HAS3: variants seen among roughly 807,000 people sequenced by gnomAD.
The protein encoded by HAS3 is HA synthase 3.
A neutral mutation model predicts 50.3 loss-of-function variants in HAS3; 27 were observed. The observed-to-expected ratio is 0.54, with a 90% confidence interval of 0.40 to 0.74. HAS3 has a LOEUF of 0.74. HAS3 is among the 30% of genes least tolerant of loss of function. The pLI is 0.00. For missense variants in HAS3, 517 were observed against 742.8 expected (o/e 0.70, Z 3.53); for synonymous variants, 339 against 310.9 (o/e 1.09, Z -0.95).
In HAS3 at chr16:69,114,270, G is replaced by C. The variant is rs552916753; in HGVS notation, c.739-73G>C. On this transcript the variant is annotated intron_variant, in intron 3 of 3. Transcript: ENST00000569188. This position sits in a 1 kb window ranked among gnomAD's most constrained non-coding sequence, Gnocchi z 6.4. ...CGGGCCACAGAAGCCATGGTAAGGA[G>C]GCCTCGTGGTCTCTGATGTCTGTCC... 6.6e-7 allele frequency: 1 copy of C among 1,508,258 alleles called. No individual in the cohort carries two copies. The highest frequency in any genetic ancestry group is 1.3e-5 in the South Asian group (1 of 75,498). The allele number at this position is 1,508,258 out of a possible 1,614,324, so 93.4% of individuals were successfully genotyped here. A position where few individuals can be genotyped will look rare whatever the true frequency, so the allele number is the denominator to read the frequency against.
In HAS3 at chr16:69,107,580, C is replaced by A; in HGVS notation, c.-1+1793C>A. The A allele has an allele frequency of 1.0e-6, 1 of 985,328 alleles. No homozygotes were observed. Among genetic ancestry groups the A allele is most frequent in the South Asian group, 4.7e-5 (1 of 21,290 alleles). The allele number at this position is 985,328 out of a possible 1,614,324, so 61.0% of individuals were successfully genotyped here. A position where few individuals can be genotyped will look rare whatever the true frequency, so the allele number is the denominator to read the frequency against. Reference sequence around the variant, plus strand: ...TGCTTTGACCTGGTGGGCGCCGCCTCCGGCACTGCACCGAGGCGGGGCGCC... The same window carrying A: ...TGCTTTGACCTGGTGGGCGCCGCCTACGGCACTGCACCGAGGCGGGGCGCC... On this transcript the variant is annotated intron_variant, in intron 1 of 3. Transcript: ENST00000569188. This position sits in a 1 kb window ranked among gnomAD's most constrained non-coding sequence, Gnocchi z 5.5.
rs1274833605 is a variant in HAS3 at position 69,107,914 on chromosome 16, T to G, written c.1-1482T>G. ...GCAGCTCTTTTCGGGCCAACGCTGC[T>G]GGAAGGCTGCTAGTGCCGGAGTCTC... On this transcript the variant is annotated intron_variant, in intron 1 of 3. Coordinates refer to ENST00000569188, the MANE Select transcript of HAS3 (RefSeq NM_001199280.2). The surrounding 1 kb of genome is among the most constrained non-coding windows in gnomAD (Gnocchi z 5.5). Among the ~76,000 whole-genome samples, 1 of 152,236 alleles carries G rather than the reference T, an allele frequency of 6.6e-6. No individual in the cohort carries two copies. The highest frequency in any genetic ancestry group is 1.5e-5 in the Non-Finnish European group (1 of 68,034).
At chr16:69,088,413 A>C in the HAS3 span, among the ~76,000 whole-genome samples, 1 of 152,104 alleles carries the variant, frequency 6.6e-6, no homozygotes, top group Admixed American at 6.5e-5. Flanking sequence ...TACAAAAATT[A>C]GGCAGGTGTG....
At chr16:69,118,658 G>A, downstream of HAS3, 1 of 692,300 alleles carries the variant, frequency 1.4e-6, no homozygotes, top group Non-Finnish European at 2.6e-6. Flanking sequence ...ATTCCCACCT[G>A]CCACAGTTCA....
the HAS3 span, among the ~76,000 whole-genome samples, chr16:69,095,156 T>C: frequency 6.6e-6 from 1 of 152,004 alleles, no homozygotes; most frequent in African/African-American, 2.4e-5. Context: ...TAATTTTTTT[T>C]GTATTTTTAG....
At chr16:69,103,357 G>C (rs1022286862), upstream of HAS3, among the ~76,000 whole-genome samples, 18 of 152,152 alleles carry the variant, frequency 1.2e-4, no homozygotes, top group Non-Finnish European at 2.6e-4. Flanking sequence ...GTAGCCCAGG[G>C]CTCCAGGGTT....
Position 69,117,260 on chromosome 16 carries a change from T to C in HAS3, c.*1994T>C, listed in dbSNP as rs1272863638. On this transcript the variant is annotated 3_prime_UTR_variant, in exon 4 of 4. Coordinates refer to ENST00000569188, the MANE Select transcript of HAS3 (RefSeq NM_001199280.2). ...TTTTTCTTCAGCATTTACTTGAAGATTAATGTAGGATGACAGGCTCTCCTG... is the reference window on the plus strand; with the variant it reads ...TTTTTCTTCAGCATTTACTTGAAGACTAATGTAGGATGACAGGCTCTCCTG... 6 of 985,732 alleles carry C rather than the reference T, an allele frequency of 6.1e-6. No homozygotes were observed. In the East Asian group the frequency reaches 6.8e-4, roughly 112 times the overall value. The allele number at this position is 985,732 out of a possible 1,614,324, so 61.1% of individuals were successfully genotyped here.
At chr16:69,103,542 CCTG>C (rs1238683156), upstream of HAS3, among the ~76,000 whole-genome samples, 1 of 152,036 alleles carries the variant, frequency 6.6e-6, no homozygotes, top group Non-Finnish European at 1.5e-5. Flanking sequence ...ATTACAGGCG[CCTG>C]CCACCACACC....
chr16:69,093,866 A>ACGG, the HAS3 span, among the ~76,000 whole-genome samples: 1 of 152,180 alleles, frequency 6.6e-6, no homozygotes, highest in East Asian at 1.9e-4. Flanking sequence ...TCCTTGCAAG[A>ACGG]AGCTCAAAGC....
At chr16:69,085,768 AG>A in the HAS3 span, among the ~76,000 whole-genome samples, 3 of 151,176 alleles carry the variant, frequency 2.0e-5, no homozygotes, top group Non-Finnish European at 4.4e-5. Context: ...TAGTAGAGAC[AG>A]GGTTTCTCCA....
chr16:69,088,752 T>C, the HAS3 span, among the ~76,000 whole-genome samples: 1 of 151,382 alleles, frequency 6.6e-6, no homozygotes, highest in Non-Finnish European at 1.5e-5. Context: ...GGGGAAAGAG[T>C]GTTCCAGGTA....
chr16:69,101,387 G>A (rs1263949984), upstream of HAS3, among the ~76,000 whole-genome samples: 30 of 151,922 alleles, frequency 2.0e-4, 1 homozygote, highest in African/African-American at 6.8e-4. Flanking sequence ...TGCAACCTCC[G>A]CCTCCCGGGT....
rs1159881777 is a variant in HAS3, at chr16:69,116,142, A to T, written c.*876A>T. 1 of 985,268 alleles carries T rather than the reference A, an allele frequency of 1.0e-6. No homozygotes were observed. Among genetic ancestry groups the T allele is most frequent in the Non-Finnish European group, 1.2e-6 (1 of 829,846 alleles). The allele number at this position is 985,268 out of a possible 1,614,324, so 61.0% of individuals were successfully genotyped here. ...GGGTATTTTAACCTGTATACTCTTG[A>T]ATTCCTCTCAAATTCAGCTCTGATC... On this transcript the variant is annotated 3_prime_UTR_variant, in exon 4 of 4. Transcript: ENST00000569188.
chr16:69,106,170 T>G lies in HAS3; in HGVS notation c.-1+383T>G. ...GCCCCAGGGCCGGGGGAGGCGCCTC[T>G]CCTGGCGGGCACGCGCCGGGTACTT... On this transcript the variant is annotated intron_variant, in intron 1 of 3. Transcript: ENST00000569188. This position sits in a 1 kb window ranked among gnomAD's most constrained non-coding sequence, Gnocchi z 5.5. 1 of 152,192 alleles carries G rather than the reference T, an allele frequency of 6.6e-6. No individual in the cohort carries two copies. The highest frequency in any genetic ancestry group is 1.5e-5 in the Non-Finnish European group (1 of 68,140). 9.4% of individuals were successfully genotyped at this position (152,192 alleles called of 1,614,324 possible).
the HAS3 span, among the ~76,000 whole-genome samples, chr16:69,088,102 G>A: frequency 9.2e-5 from 14 of 152,224 alleles, no homozygotes; most frequent in African/African-American, 3.4e-4. Context: ...GGACTGGGGT[G>A]TAGGAAAGCA....
the HAS3 span, among the ~76,000 whole-genome samples, chr16:69,089,364 GGAGA>G: frequency 6.6e-6 from 1 of 152,296 alleles, no homozygotes; most frequent in East Asian, 1.9e-4. Context: ...TGTGGCAAAG[GGAGA>G]GAGTCAGAAA....
chr16:69,098,044 A>T, the HAS3 span, among the ~76,000 whole-genome samples: 1 of 152,140 alleles, frequency 6.6e-6, no homozygotes, highest in Non-Finnish European at 1.5e-5. Context: ...CCTTTTTCAC[A>T]TGAATCCATG....
intron 2 of HAS3, among the ~76,000 whole-genome samples, chr16:69,112,900 G>A (rs954898295): frequency 2.0e-5 from 3 of 152,306 alleles, no homozygotes; most frequent in South Asian, 2.1e-4. Context: ...CTCGGCCAAG[G>A]GAGTCTGTTG....
Position 69,115,868 on chromosome 16 carries a change from G to C in HAS3, c.*602G>C, listed in dbSNP as rs755421657. ...TACCCCACTCCACATCAACATTCCA[G>C]GGATGAGCCAAACCAGCAGGGAGTT... is the stretch of plus-strand genomic sequence containing the variant. On this transcript the variant is annotated 3_prime_UTR_variant, in exon 4 of 4. Coordinates refer to ENST00000569188, the MANE Select transcript of HAS3 (RefSeq NM_001199280.2). The C allele has an allele frequency of 1.0e-6, 1 of 985,764 alleles. No homozygotes were observed. Among genetic ancestry groups the C allele is most frequent in the Non-Finnish European group, 1.2e-6 (1 of 829,972 alleles). 61.1% of individuals were successfully genotyped at this position (985,764 alleles called of 1,614,324 possible).
Sources: gnomAD v4.1 joint callset for allele counts (sites outside exome capture counted in the v4.1 genomes callset) on GRCh38, gnomAD v4.1.1 for gene constraint, Gnocchi (gnomAD v3.1) non-coding constraint, MANE v1.5 for transcripts, NCBI Gene and HGNC (gene_info 2026-07-23, HGNC 2026-07-21) for gene names.